The following PARD3B variants were observed in gnomAD, a reference collection of about 807,000 sequenced individuals.
PARD3B encodes par-3 family cell polarity regulator beta.
A neutral mutation model predicts 130.2 loss-of-function variants in PARD3B; 103 were observed. The ratio of observed to expected loss-of-function variants is 0.79; its 90% CI spans 0.67 to 0.93. The LOEUF is 0.93. PARD3B is among the 40% of genes least tolerant of loss of function. PARD3B has a pLI of 0.00. For synonymous variants in PARD3B, 583 were observed against 553.2 expected (o/e 1.05, Z -0.76); for missense variants, 1,609 against 1,499.2 (o/e 1.07, Z -1.21).
intron 2 of PARD3B, among the ~76,000 whole-genome samples, chr2:204,875,970 T>C (rs1481526000): frequency 6.6e-6 from 1 of 152,162 alleles, no homozygotes; most frequent in Admixed American, 6.5e-5. Context: ...GGGTCTTGCC[T>C]CAGTTTCTGG....
chr2:204,647,974 G>T (rs1256795230), intron 1 of PARD3B, among the ~76,000 whole-genome samples: 1 of 151,342 alleles, frequency 6.6e-6, no homozygotes, highest in Non-Finnish European at 1.5e-5. Flanking sequence ...AATATTATGA[G>T]TATAATTATA....
At chr2:205,084,720 T>A (rs188488116) in intron 4 of PARD3B, among the ~76,000 whole-genome samples, 63 of 152,128 alleles carry the variant, frequency 4.1e-4, no homozygotes, top group Non-Finnish European at 2.4e-4. Flanking sequence ...TTTTTAGGTT[T>A]CTTTTTGTTA....
intron 21 of PARD3B, among the ~76,000 whole-genome samples, chr2:205,545,694 CA>C (rs36032808): frequency 0.41 from 62,917 of 151,870 alleles, 13,711 homozygotes; most frequent in East Asian, 0.53. Flanking sequence ...ACAAGATTGG[CA>C]AAAAATGTGT....
intron 20 of PARD3B, among the ~76,000 whole-genome samples, chr2:205,449,379 G>C (rs1406747160): frequency 6.6e-6 from 1 of 151,224 alleles, no homozygotes; most frequent in Non-Finnish European, 1.5e-5. Flanking sequence ...ACAGGTGCCC[G>C]CCACCACGCC....
Position 205,116,454 on chromosome 2 carries a change from T to A in PARD3B, c.681-2467T>A, listed in dbSNP as rs2029865240. ...GAAGATGTTGGTGCCTAAATGATAA[T>A]TAGAAGAGCAAGAAGAATTGTTACC... On this transcript the variant is annotated intron_variant, in intron 6 of 22. Transcript: ENST00000406610. This position sits in a 1 kb window ranked among gnomAD's most constrained non-coding sequence, Gnocchi z 4.5. Among the ~76,000 whole-genome samples, 2 of 152,148 alleles carry A rather than the reference T, an allele frequency of 1.3e-5. No homozygotes were observed. Among genetic ancestry groups the A allele is most frequent in the South Asian group, 4.1e-4 (2 of 4,826 alleles).
intron 2 of PARD3B, among the ~76,000 whole-genome samples, chr2:204,776,253 T>G (rs1049638617): frequency 1.3e-5 from 2 of 152,208 alleles, no homozygotes; most frequent in Non-Finnish European, 2.9e-5. Context: ...TTGGGACTAA[T>G]GTGAGTGAGT....
rs2047894190 is a variant in PARD3B at position 205,446,016 on chromosome 2, G to T, written c.3044+5344G>T. ...AATGGCAATACAAAGACCTAAACAT[G>T]CAGTGAGAACACAGTGTGGAAAGTG... On this transcript the variant is annotated intron_variant, in intron 20 of 22. Coordinates refer to ENST00000406610, the MANE Select transcript of PARD3B (RefSeq NM_001302769.2). This position sits in a 1 kb window ranked among gnomAD's most constrained non-coding sequence, Gnocchi z 4.4. Among the ~76,000 whole-genome samples, 1 of 152,172 alleles carries T rather than the reference G, an allele frequency of 6.6e-6. No individual in the cohort carries two copies. The highest frequency in any genetic ancestry group is 2.4e-5 in the African/African-American group (1 of 41,438).
At chr2:205,169,308 C>T (rs918703089) in intron 11 of PARD3B, among the ~76,000 whole-genome samples, 7 of 152,224 alleles carry the variant, frequency 4.6e-5, no homozygotes, top group Admixed American at 3.3e-4. Context: ...ATTTCAGCTG[C>T]CCTGAGGTGA....
chr2:205,593,500 C>G (rs1018405991), intron 22 of PARD3B, among the ~76,000 whole-genome samples: 1 of 152,120 alleles, frequency 6.6e-6, no homozygotes, highest in African/African-American at 2.4e-5. Context: ...AATTAATTTG[C>G]TAAGTAGAAA....
intron 3 of PARD3B, among the ~76,000 whole-genome samples, chr2:204,998,312 GTATA>G (rs771546892): frequency 0.013 from 648 of 51,838 alleles, 24 homozygotes; most frequent in Non-Finnish European, 0.013. Flanking sequence ...AGAACTTAAA[GTATA>G]TATATATATA....
chr2:205,328,406 C>G (rs551472130), intron 18 of PARD3B, among the ~76,000 whole-genome samples: 2 of 152,048 alleles, frequency 1.3e-5, no homozygotes, highest in Non-Finnish European at 2.9e-5. Context: ...CCTCATATAA[C>G]CATCACTGAT....
rs866696223 is a variant in PARD3B, at chr2:205,253,941, G to C, written c.2185+8119G>C. Reference sequence around the variant, plus strand: ...AGAGGTGGTTTGAAAGAAGAGGTTGGGTTGAAAATGAACAGTATTTTGTCA... The same window carrying C: ...AGAGGTGGTTTGAAAGAAGAGGTTGCGTTGAAAATGAACAGTATTTTGTCA... On this transcript the variant is annotated intron_variant, in intron 16 of 22. Coordinates refer to ENST00000406610, the MANE Select transcript of PARD3B (RefSeq NM_001302769.2). This position sits in a 1 kb window ranked among gnomAD's most constrained non-coding sequence, Gnocchi z 4.4. Among the ~76,000 whole-genome samples the C allele has an allele frequency of 6.6e-6, 1 of 151,840 alleles. No individual in the cohort carries two copies. The highest frequency in any genetic ancestry group is 1.9e-4 in the East Asian group (1 of 5,170).
chr2:205,081,446 A>G (rs1701396682), intron 4 of PARD3B, among the ~76,000 whole-genome samples: 1 of 152,008 alleles, frequency 6.6e-6, no homozygotes, highest in Non-Finnish European at 1.5e-5. Flanking sequence ...TAAGACCTAT[A>G]TTGTACTGCT....
At chr2:204,613,049 AT>A (rs1358712889) in intron 1 of PARD3B, among the ~76,000 whole-genome samples, 1 of 151,298 alleles carries the variant, frequency 6.6e-6, no homozygotes, top group African/African-American at 2.4e-5. Flanking sequence ...TTGTACATGT[AT>A]TTTTTTTCTC....
chr2:205,519,125 T>C (rs766665536), intron 21 of PARD3B, among the ~76,000 whole-genome samples: 1 of 152,232 alleles, frequency 6.6e-6, no homozygotes, highest in Non-Finnish European at 1.5e-5. Context: ...AGTTTGACCG[T>C]TGGCCTGTCT....
intron 22 of PARD3B, among the ~76,000 whole-genome samples, chr2:205,561,262 TGTGCTC>T (rs2053124767): frequency 6.6e-6 from 1 of 152,218 alleles, no homozygotes; most frequent in African/African-American, 2.4e-5. Context: ...ACTATTTTAT[TGTGCTC>T]ACTAAGTCAC....
rs368381673 is a variant in PARD3B at position 205,073,474 on chromosome 2, C to G, written c.504+25784C>G. Among the ~76,000 whole-genome samples the G allele has an allele frequency of 7.1e-4, 108 of 151,870 alleles. 1 individual carries two copies. In the South Asian group the frequency reaches 0.021, roughly 30 times the overall value. On this transcript the variant is annotated intron_variant, in intron 4 of 22. Transcript: ENST00000406610. Reference sequence around the variant, plus strand: ...AACATTTCATCTCATGCTATTTTTTCGGGAAAAAAAGTCCAAATGTATATA... The same window carrying G: ...AACATTTCATCTCATGCTATTTTTTGGGGAAAAAAAGTCCAAATGTATATA...
intron 21 of PARD3B, among the ~76,000 whole-genome samples, chr2:205,520,051 G>C (rs920818403): frequency 2.0e-4 from 30 of 152,220 alleles, no homozygotes; most frequent in African/African-American, 6.7e-4. Context: ...GGCACTCCTG[G>C]ACTGCCCACT....
intron 1 of PARD3B, among the ~76,000 whole-genome samples, chr2:204,581,895 A>G (rs765434122): frequency 1.5e-4 from 23 of 152,302 alleles, no homozygotes; most frequent in Non-Finnish European, 2.5e-4. Flanking sequence ...GCTTCCCAAC[A>G]ATGTGACCTT....
Sources: allele counts gnomAD v4.1 joint callset (sites outside exome capture counted in the v4.1 genomes callset), GRCh38; gene constraint gnomAD v4.1.1; non-coding constraint Gnocchi (gnomAD v3.1); transcripts MANE v1.5; gene names NCBI Gene and HGNC (gene_info 2026-07-23, HGNC 2026-07-21).